Variants in ZNF329 observed in about 807,000 individuals in gnomAD.
ZNF329 encodes the protein zinc finger protein 329.
ZNF329 carries 15 observed loss-of-function variants against 26.6 expected under a neutral mutation model. The observed-to-expected ratio is 0.56, with a 90% CI of 0.38 to 0.87. The LOEUF is 0.87. ZNF329 is among the 40% of genes least tolerant of loss of function. The pLI is 0.00. For missense variants in ZNF329, 651 were observed against 651.9 expected, an observed-to-expected ratio of 1.00 and a Z score of 0.02; for synonymous variants, 239 against 233.5, an observed-to-expected ratio of 1.02 and a Z score of -0.21.
intron 3 of ZNF329, among the ~76,000 whole-genome samples, chr19:58,137,630 C>T (rs1052189771): frequency 9.2e-5 from 14 of 151,602 alleles, no homozygotes; most frequent in African/African-American, 2.9e-4. Flanking sequence ...AAAACCAAGT[C>T]TGTCATTTGA....
At chr19:58,133,882 A>G (rs1182435331) in intron 3 of ZNF329, among the ~76,000 whole-genome samples, 1 of 152,128 alleles carries the variant, frequency 6.6e-6, no homozygotes, top group African/African-American at 2.4e-5. Flanking sequence ...TCCAATGCTG[A>G]CCACATGAAA....
upstream of ZNF329, chr19:58,154,702 C>A (rs550892661): frequency 9.7e-4 from 148 of 152,068 alleles, 1 homozygote; most frequent in East Asian, 6.1e-3. Flanking sequence ...ACCACCCCCC[C>A]CCCCGCCCCA....
At chr19:58,139,776 G>A (rs2075145250) in intron 3 of ZNF329, among the ~76,000 whole-genome samples, 1 of 152,120 alleles carries the variant, frequency 6.6e-6, no homozygotes. Context: ...CACATGAAAT[G>A]ATGATCAATA....
Position 58,128,474 on chromosome 19 carries a change from C to CA in ZNF329, c.1029dup (p.Glu344Ter). ...AAAGCCTTTCCACATTTGCTACACT[C>CA]ATAGGGCTTCTCACCGGTGTGGATT... On this transcript the variant is annotated frameshift_variant, in exon 4 of 4. Transcript: ENST00000598312. LOFTEE classifies it high-confidence loss of function. 1 of 1,613,648 alleles carries CA rather than the reference C, an allele frequency of 6.2e-7. No individual in the cohort carries two copies. Among genetic ancestry groups the CA allele is most frequent in the Non-Finnish European group, 8.5e-7 (1 of 1,179,712 alleles).
At chr19:58,146,858 T>G (rs928603996) in intron 1 of ZNF329, among the ~76,000 whole-genome samples, 5 of 151,808 alleles carry the variant, frequency 3.3e-5, no homozygotes, top group African/African-American at 1.2e-4. Context: ...CAGTGCTCAA[T>G]GGTGCCCAGG....
intron 3 of ZNF329, among the ~76,000 whole-genome samples, 174 bp downstream of exon 3, chr19:58,142,383 A>G (rs1405382800): frequency 1.3e-5 from 2 of 152,254 alleles, no homozygotes; most frequent in East Asian, 1.9e-4. Flanking sequence ...TATGTGAATT[A>G]TATCTCAATA....
chr19:58,145,314 CTTTTTTTTT>C (rs71188087), intron 1 of ZNF329, among the ~76,000 whole-genome samples: 23,721 of 106,924 alleles, frequency 0.22, 2,255 homozygotes, highest in Middle Eastern at 0.37. Context: ...TTTTTTCTTC[CTTTTTTTTT>C]TTTTTTTTTT....
At chr19:58,141,478 A>G (rs1029836693) in intron 3 of ZNF329, among the ~76,000 whole-genome samples, 7 of 152,032 alleles carry the variant, frequency 4.6e-5, no homozygotes, top group Non-Finnish European at 4.4e-5. Flanking sequence ...TATTTTCAGT[A>G]GAGACGGGGT....
upstream of ZNF329, among the ~76,000 whole-genome samples, chr19:58,152,675 T>C (rs542217821): frequency 6.6e-6 from 1 of 152,134 alleles, no homozygotes; most frequent in Admixed American, 6.6e-5. Flanking sequence ...CTGGCAAACA[T>C]TGTGAAACCT....
intron 1 of ZNF329, among the ~76,000 whole-genome samples, chr19:58,147,963 G>T (rs555912339): frequency 6.6e-6 from 1 of 152,104 alleles, no homozygotes. Flanking sequence ...GGGGGGAAAG[G>T]TGGGGAAAAG....
chr19:58,146,260 A>G (rs111541691), intron 1 of ZNF329, among the ~76,000 whole-genome samples: 5,654 of 152,080 alleles, frequency 0.037, 369 homozygotes, highest in African/African-American at 0.13. Context: ...GATCACTTGA[A>G]GTCAGGAGTT....
At chr19:58,149,710 A>G (rs1334477162) in intron 1 of ZNF329, among the ~76,000 whole-genome samples, 1 of 152,236 alleles carries the variant, frequency 6.6e-6, no homozygotes, top group Non-Finnish European at 1.5e-5. Flanking sequence ...TCCTATAGCC[A>G]AATTTTTTAA....
At chr19:58,134,348 G>C (rs181487540) in intron 3 of ZNF329, among the ~76,000 whole-genome samples, 4 of 152,102 alleles carry the variant, frequency 2.6e-5, no homozygotes, top group Non-Finnish European at 5.9e-5. Flanking sequence ...CCAGAAAGCT[G>C]GTAAGGGGTA....
chr19:58,131,318 G>T (rs2074938416), intron 3 of ZNF329, among the ~76,000 whole-genome samples: 1 of 152,050 alleles, frequency 6.6e-6, no homozygotes, highest in Non-Finnish European at 1.5e-5. Flanking sequence ...GCTGAAGTGG[G>T]AGTTATCACT....
chr19:58,138,771 C>T (rs1257753639), intron 3 of ZNF329, among the ~76,000 whole-genome samples: 1 of 151,940 alleles, frequency 6.6e-6, no homozygotes, highest in Non-Finnish European at 1.5e-5. Context: ...CTGAGGCAGG[C>T]TGATCACATG....
chr19:58,127,103 G>A lies in ZNF329; in HGVS notation c.*775C>T, dbSNP rs1600033188. On this transcript the variant is annotated 3_prime_UTR_variant, in exon 4 of 4. Transcript: ENST00000598312. ...ACAGGAAAATCTCACACATTCTGTG[G>A]TGTGTGCAGTACAGCACTGTGTGGA... 1 of 152,220 alleles carries A rather than the reference G, an allele frequency of 6.6e-6. No individual in the cohort carries two copies. The highest frequency in any genetic ancestry group is 2.1e-4 in the South Asian group (1 of 4,830). The allele number at this position is 152,220 out of a possible 1,614,324, so 9.4% of individuals were successfully genotyped here. A position where few individuals can be genotyped will look rare whatever the true frequency, so the allele number is the denominator to read the frequency against.
At chr19:58,130,410 C>T (rs159670) in intron 3 of ZNF329, among the ~76,000 whole-genome samples, 112,409 of 151,918 alleles carry the variant, frequency 0.74, 42,692 homozygotes, top group Non-Finnish European at 0.84. Flanking sequence ...GCGGTGGTCA[C>T]GCCTGTAATC....
chr19:58,137,722 G>C (rs2075102055), intron 3 of ZNF329, among the ~76,000 whole-genome samples: 1 of 150,870 alleles, frequency 6.6e-6, no homozygotes, highest in African/African-American at 2.4e-5. Flanking sequence ...CCAACACTTT[G>C]GGAGGCTAAG....
intron 3 of ZNF329, among the ~76,000 whole-genome samples, chr19:58,136,279 T>C (rs1443926192): frequency 6.7e-6 from 1 of 149,812 alleles, no homozygotes. Context: ...AACTACACAA[T>C]GATGAAAACA....
Sources: allele counts gnomAD v4.1 joint callset (sites outside exome capture counted in the v4.1 genomes callset), GRCh38; gene constraint gnomAD v4.1.1; transcripts MANE v1.5; gene names NCBI Gene and HGNC (gene_info 2026-07-23, HGNC 2026-07-21).